Variants in CNTNAP2 observed in about 807,000 individuals in gnomAD.
The protein encoded by CNTNAP2 is contactin associated protein 2.
CNTNAP2 carries 98 observed loss-of-function variants against 155.2 expected under a neutral mutation model. That is an observed-to-expected ratio of 0.63 (90% CI 0.54 to 0.75). The LOEUF (loss-of-function observed/expected upper bound fraction) is 0.75. Among genes scored for constraint, CNTNAP2 ranks in the 30% least tolerant of loss-of-function variants. The probability of loss-of-function intolerance (pLI) is 0.00; values close to 1 mark genes in which losing one functional copy is unlikely to be tolerated. For synonymous variants in CNTNAP2, 651 were observed against 631.2 expected (o/e 1.03, Z -0.47); for missense variants, 1,727 against 1,688.1 (o/e 1.02, Z -0.40).
At chr7:148,271,422 A>G (rs1796776944) in intron 21 of CNTNAP2, among the ~76,000 whole-genome samples, 1 of 152,194 alleles carries the variant, frequency 6.6e-6, no homozygotes, top group Non-Finnish European at 1.5e-5. Flanking sequence ...GTCTTCTAAC[A>G]TTGCTAAATG....
intron 1 of CNTNAP2, among the ~76,000 whole-genome samples, chr7:146,330,527 A>G (rs1801168190): frequency 6.6e-6 from 1 of 152,216 alleles, no homozygotes; most frequent in Non-Finnish European, 1.5e-5. Context: ...AAAGTAAAGT[A>G]TGATACAAGG....
chr7:146,610,052 G>T (rs546813424), intron 1 of CNTNAP2, among the ~76,000 whole-genome samples: 1 of 152,150 alleles, frequency 6.6e-6, no homozygotes, highest in South Asian at 2.1e-4. Flanking sequence ...GAAACTCGGC[G>T]AGAACCATTG....
chr7:148,333,563 A>G (rs1010128278), intron 21 of CNTNAP2, among the ~76,000 whole-genome samples: 16 of 152,180 alleles, frequency 1.1e-4, no homozygotes, highest in African/African-American at 3.9e-4. Context: ...ATCACTACGA[A>G]AGGCTACCAG....
chr7:146,777,121 G>T (rs539009833), intron 2 of CNTNAP2, among the ~76,000 whole-genome samples: 2 of 152,018 alleles, frequency 1.3e-5, no homozygotes, highest in Non-Finnish European at 2.9e-5. Context: ...ATCTCTTTTT[G>T]ACCATTGATA....
At chr7:147,626,769 C>A (rs118138314) in intron 12 of CNTNAP2, among the ~76,000 whole-genome samples, 2,628 of 152,280 alleles carry the variant, frequency 0.017, 41 homozygotes, top group Non-Finnish European at 0.027. Flanking sequence ...AAGGAGAAGA[C>A]AACACCTAAT....
At chr7:146,858,617 C>A (rs1795037990) in intron 3 of CNTNAP2, among the ~76,000 whole-genome samples, 1 of 152,150 alleles carries the variant, frequency 6.6e-6, no homozygotes, top group Non-Finnish European at 1.5e-5. Context: ...TCACCTGAGT[C>A]CAGGAGGTCG....
chr7:147,116,576 T>C (rs1425630637), intron 5 of CNTNAP2, among the ~76,000 whole-genome samples: 1 of 151,730 alleles, frequency 6.6e-6, no homozygotes, highest in Non-Finnish European at 1.5e-5. Context: ...AAAGAAACAG[T>C]CTGGTCACAC....
intron 11 of CNTNAP2, among the ~76,000 whole-genome samples, chr7:147,538,608 C>A (rs966051626): frequency 6.6e-6 from 1 of 152,042 alleles, no homozygotes; most frequent in Non-Finnish European, 1.5e-5. Context: ...TGTGATCATG[C>A]CACTGTACTC....
At chr7:147,708,707 A>G (rs1796355646) in intron 13 of CNTNAP2, among the ~76,000 whole-genome samples, 1 of 152,124 alleles carries the variant, frequency 6.6e-6, no homozygotes, top group African/African-American at 2.4e-5. Flanking sequence ...CAGCCTCTCC[A>G]GGTTCTCAGC....
At chr7:148,065,624 GT>G (rs1309367485) in intron 15 of CNTNAP2, among the ~76,000 whole-genome samples, 2 of 152,150 alleles carry the variant, frequency 1.3e-5, no homozygotes, top group Non-Finnish European at 2.9e-5. Flanking sequence ...CACTTTTGGT[GT>G]CCATTTGCAT....
intron 3 of CNTNAP2, among the ~76,000 whole-genome samples, chr7:146,995,041 T>A (rs1798280934): frequency 1.3e-5 from 2 of 152,046 alleles, no homozygotes; most frequent in African/African-American, 4.8e-5. Flanking sequence ...TCTACTTCTA[T>A]GAGATCATTT....
At chr7:146,693,977 CA>C (rs1381941845) in intron 1 of CNTNAP2, among the ~76,000 whole-genome samples, 3 of 150,898 alleles carry the variant, frequency 2.0e-5, no homozygotes, top group East Asian at 3.9e-4. Flanking sequence ...TAAGTGAGAA[CA>C]AAAAAGCAGT....
intron 1 of CNTNAP2, among the ~76,000 whole-genome samples, chr7:146,261,243 G>C (rs1799915232): frequency 6.6e-6 from 1 of 151,858 alleles, no homozygotes; most frequent in Admixed American, 6.6e-5. Flanking sequence ...TTATAGCAGT[G>C]TGAGAATGGA....
In CNTNAP2 at chr7:148,300,198, T is replaced by C. The variant is rs149434750; in HGVS notation, c.3475+33072T>C. Among the ~76,000 whole-genome samples, 1,053 of 152,332 alleles carry C rather than the reference T, an allele frequency of 6.9e-3. 10 individuals carry two copies. Among genetic ancestry groups the C allele is most frequent in the Middle Eastern group, 0.017 (5 of 294 alleles). ...TTTTGTCAAAGAAAATCCTTGACAT[T>C]GGATTCTTAAAAGCCTTATGGTTTC... On this transcript the variant is annotated intron_variant, in intron 21 of 23. Transcript: ENST00000361727.
At chr7:146,518,617 A>C (rs932274269) in intron 1 of CNTNAP2, among the ~76,000 whole-genome samples, 2 of 151,868 alleles carry the variant, frequency 1.3e-5, no homozygotes, top group African/African-American at 4.8e-5. Flanking sequence ...ATTAGCAAAA[A>C]ATTTTTATGT....
intron 3 of CNTNAP2, among the ~76,000 whole-genome samples, chr7:146,897,465 T>C (rs187183469): frequency 1.3e-3 from 204 of 152,222 alleles, no homozygotes; most frequent in Middle Eastern, 6.8e-3. Context: ...CAAAGCTCTT[T>C]ATGGTTCGTG....
intron 13 of CNTNAP2, among the ~76,000 whole-genome samples, chr7:147,894,745 G>A (rs1363802104): frequency 6.6e-6 from 1 of 151,860 alleles, no homozygotes; most frequent in African/African-American, 2.4e-5. Flanking sequence ...ATCTCAGAGG[G>A]CGCCAGGATC....
chr7:147,802,722 A>G (rs1798024455), intron 13 of CNTNAP2, among the ~76,000 whole-genome samples: 2 of 145,774 alleles, frequency 1.4e-5, no homozygotes, highest in Admixed American at 6.9e-5. Context: ...CCGAGATGGC[A>G]GCAGTACAGT....
At chr7:146,927,773 G>A (rs1328125415) in intron 3 of CNTNAP2, among the ~76,000 whole-genome samples, 3 of 151,798 alleles carry the variant, frequency 2.0e-5, no homozygotes, top group Non-Finnish European at 2.9e-5. Context: ...ATGTGTGTGT[G>A]TGTTTGTGTG....
Sources: allele counts gnomAD v4.1 joint callset (sites outside exome capture counted in the v4.1 genomes callset), GRCh38; gene constraint gnomAD v4.1.1; transcripts MANE v1.5; gene names NCBI Gene and HGNC (gene_info 2026-07-23, HGNC 2026-07-21).